The following MYH14 variants were observed in gnomAD, a reference collection of about 807,000 sequenced individuals.
The protein encoded by MYH14 is myosin heavy chain 14.
Under a neutral mutation model 255.5 loss-of-function variants are expected in MYH14, and 123 were observed. The observed-to-expected ratio is 0.48, with a 90% CI of 0.42 to 0.56. The LOEUF (loss-of-function observed/expected upper bound fraction) is 0.56, where lower values mean the gene tolerates loss of function less well. MYH14 is among the 20% of genes least tolerant of loss of function. MYH14 has a pLI of 0.00. For missense variants in MYH14, 2,423 were observed against 2,802.3 expected, an observed-to-expected ratio of 0.86 and a Z score of 3.06; for synonymous variants, 1,095 against 1,161.2, an observed-to-expected ratio of 0.94 and a Z score of 1.16.
At position 50,281,696 on chromosome 19, in the gene MYH14, C is replaced by T. The variant is rs727505272; in HGVS notation, c.4393C>T (p.Arg1465Cys). 189 of 1,611,912 alleles carry T rather than the reference C, an allele frequency of 1.2e-4. No homozygotes were observed. Among genetic ancestry groups the T allele is most frequent in the Non-Finnish European group, 1.6e-4 (185 of 1,179,536 alleles). Residue 1465 changes from arginine (R) to cysteine (C), a missense_variant, in exon 33 of 43, where the codon CGC becomes TGC. Coordinates refer to ENST00000642316, the MANE Select transcript of MYH14 (RefSeq NM_001145809.2). ...CCGGGAGGCCGAGGCCCTGACCCAG[C>T]GCCTGGCAGAAAAGACAGAGACCGT... Reference protein sequence around the residue: ...AAREAEALTQRLAEKTETVDR... With the variant: ...AAREAEALTQCLAEKTETVDR...
chr19:50,306,785 C>T (rs889928104), intron 40 of MYH14, among the ~76,000 whole-genome samples: 1 of 152,000 alleles, frequency 6.6e-6, no homozygotes, highest in Non-Finnish European at 1.5e-5. Context: ...CTGAATAGGA[C>T]CAAACATATA....
At position 50,252,044 on chromosome 19, in the gene MYH14, G is replaced by A. The variant is rs1666201254; in HGVS notation, c.1831-595G>A. ...GAGGGAACAGCATAGACAATGGCTG[G>A]GAGGCAGGAGATTCCATGTGTTCTG... On this transcript the variant is annotated intron_variant, in intron 15 of 42. Transcript: ENST00000642316. The surrounding 1 kb of genome is among the most constrained non-coding windows in gnomAD (Gnocchi z 4.2). Among the ~76,000 whole-genome samples, 1 of 152,184 alleles carries A rather than the reference G, an allele frequency of 6.6e-6. No homozygotes were observed. The highest frequency in any genetic ancestry group is 1.5e-5 in the Non-Finnish European group (1 of 68,030).
chr19:50,225,299 C>T lies in MYH14; in HGVS notation c.718-286C>T, dbSNP rs1551549. Reference sequence around the variant, plus strand: ...GTGGCGTTTCTTCCTTAATTCATTTCTTATTAATGGGATAACATTGTAGAC... The same window carrying T: ...GTGGCGTTTCTTCCTTAATTCATTTTTTATTAATGGGATAACATTGTAGAC... On this transcript the variant is annotated intron_variant, in intron 6 of 42. Transcript: ENST00000642316. 0.26 allele frequency among the ~76,000 whole-genome samples: 40,220 copies of T among 152,060 alleles called. 6,102 individuals carry two copies. The highest frequency in any genetic ancestry group is 0.33 in the East Asian group (1,700 of 5,158).
intron 32 of MYH14, 148 bp from the exon 33 acceptor site, chr19:50,281,446 C>T: frequency 2.5e-6 from 3 of 1,187,018 alleles, no homozygotes; most frequent in Non-Finnish European, 2.3e-6. Context: ...CACAACTTCA[C>T]ACCACTCAGA....
At chr19:50,300,281 G>T (rs1158827155) in intron 39 of MYH14, among the ~76,000 whole-genome samples, 6 of 152,172 alleles carry the variant, frequency 3.9e-5, no homozygotes, top group African/African-American at 1.2e-4. Context: ...ACAGGAAGCA[G>T]CAGGGTCATG....
chr19:50,271,423 C>T lies in MYH14; in HGVS notation c.3048C>T (p.His1016=), dbSNP rs1415273451. 1 of 1,604,228 alleles carries T rather than the reference C, an allele frequency of 6.2e-7. No individual in the cohort carries two copies. Among genetic ancestry groups the T allele is most frequent in the East Asian group, 2.2e-5 (1 of 44,552 alleles). The change falls in exon 25 of 43, where the codon CAC becomes CAT. Residue 1016 remains histidine, a synonymous_variant. Coordinates refer to ENST00000642316, the MANE Select transcript of MYH14 (RefSeq NM_001145809.2). Reference sequence around the variant, plus strand: ...TCCCACCCCAGGAGCTAGAGGCCCACCTTGAGGCTGAGGAGGGTGCGCGGC... The same window carrying T: ...TCCCACCCCAGGAGCTAGAGGCCCATCTTGAGGCTGAGGAGGGTGCGCGGC... ...LQQHIQELEA[H]LEAEEGARQK...
chr19:50,284,780 A>G (rs1444520823), intron 33 of MYH14: 3 of 152,014 alleles, frequency 2.0e-5, no homozygotes, highest in Non-Finnish European at 4.4e-5. Context: ...ATATGATGCT[A>G]TCATGGCTCC....
chr19:50,285,431 T>C (rs1444834940), intron 33 of MYH14: 2 of 152,236 alleles, frequency 1.3e-5, no homozygotes, highest in African/African-American at 4.8e-5. Context: ...TAGTTTTCAA[T>C]GTACATCTTT....
rs2035079777 is a variant in MYH14 at position 50,266,362 on chromosome 19, A to G, written c.2695-515A>G. Among the ~76,000 whole-genome samples, 1 of 152,150 alleles carries G rather than the reference A, an allele frequency of 6.6e-6. No individual in the cohort carries two copies. Among genetic ancestry groups the G allele is most frequent in the African/African-American group, 2.4e-5 (1 of 41,430 alleles). ...GATTACTTGAGGCCGGGAGTTGGAG[A>G]CCAGCCTGGCCAACATAGCGAAACC... On this transcript the variant is annotated intron_variant, in intron 22 of 42. Coordinates refer to ENST00000642316, the MANE Select transcript of MYH14 (RefSeq NM_001145809.2). The surrounding 1 kb of genome is among the most constrained non-coding windows in gnomAD (Gnocchi z 4.1).
chr19:50,245,825 A>C (rs1013907293), intron 11 of MYH14, among the ~76,000 whole-genome samples: 1 of 152,224 alleles, frequency 6.6e-6, no homozygotes, highest in Non-Finnish European at 1.5e-5. Flanking sequence ...TTGTTTTACA[A>C]AACTGGAGTC....
At chr19:50,239,253 AG>A (rs1370543107) in intron 10 of MYH14, among the ~76,000 whole-genome samples, 1 of 152,184 alleles carries the variant, frequency 6.6e-6, no homozygotes, top group Admixed American at 6.5e-5. Flanking sequence ...TCCTGACCTC[AG>A]GTGAACCGCC....
At chr19:50,211,190 G>C (rs1209077367) in intron 2 of MYH14, among the ~76,000 whole-genome samples, 1 of 152,104 alleles carries the variant, frequency 6.6e-6, no homozygotes, top group East Asian at 1.9e-4. Flanking sequence ...AATTAGCCAG[G>C]TGTGGTGGTG....
At chr19:50,263,774 G>A (rs919516155) in intron 22 of MYH14, among the ~76,000 whole-genome samples, 1 of 152,074 alleles carries the variant, frequency 6.6e-6, no homozygotes, top group African/African-American at 2.4e-5. Flanking sequence ...AACAGCAAAG[G>A]TGCTGGGTGC....
chr19:50,248,526 G>C lies in MYH14; in HGVS notation c.1330-461G>C, dbSNP rs368841183. Among the ~76,000 whole-genome samples the C allele has an allele frequency of 3.9e-5, 6 of 152,182 alleles. No individual in the cohort carries two copies. The East Asian group carries it at 5.8e-4, about 15-fold the overall frequency. On this transcript the variant is annotated intron_variant, in intron 12 of 42. Transcript: ENST00000642316. ...GTACCTGGATGAAGACCCCGTGGGG[G>C]AGATGAGGAGTCTGGGAGCCACACT... is the stretch of plus-strand genomic sequence containing the variant.
chr19:50,296,984 T>TGTTTGTTTGTTTGTTTG (rs35580414), intron 39 of MYH14, among the ~76,000 whole-genome samples: 25 of 151,746 alleles, frequency 1.6e-4, no homozygotes, highest in Admixed American at 5.2e-4. Flanking sequence ...CTCTGTTTTT[T>TGTTTGTTTGTTTGTTTG]TTTGTTTGTT....
chr19:50,290,866 C>G (rs1335011114), intron 35 of MYH14, 21 bp from the exon 36 acceptor site: 1 of 1,547,912 alleles, frequency 6.5e-7, no homozygotes, highest in Non-Finnish European at 8.7e-7. Context: ...CTGACCCGGT[C>G]CCTCCTGACC....
At chr19:50,243,440 A>G (rs1043339510) in intron 10 of MYH14, among the ~76,000 whole-genome samples, 1 of 152,088 alleles carries the variant, frequency 6.6e-6, no homozygotes, top group Admixed American at 6.5e-5. Context: ...CCGTCTCAAA[A>G]AAAAAAACAA....
chr19:50,252,777 C>CTAGAGCCGGGGTG lies in MYH14; in HGVS notation c.1945+24_1945+25insTAGAGCCGGGGTG. 6.7e-7 allele frequency: 1 copy of CTAGAGCCGGGGTG among 1,500,338 alleles called. No homozygotes were observed. Among genetic ancestry groups the CTAGAGCCGGGGTG allele is most frequent in the Non-Finnish European group, 9.1e-7 (1 of 1,097,978 alleles). 92.9% of individuals were successfully genotyped at this position (1,500,338 alleles called of 1,614,324 possible). A position where few individuals can be genotyped will look rare whatever the true frequency, so the allele number is the denominator to read the frequency against. On this transcript the variant is annotated intron_variant, in intron 16 of 42. Coordinates refer to ENST00000642316, the MANE Select transcript of MYH14 (RefSeq NM_001145809.2). This position sits in a 1 kb window ranked among gnomAD's most constrained non-coding sequence, Gnocchi z 4.2. ...CGGTGAGGACCCACTTCCCCCACCC[C>CTAGAGCCGGGGTG]GGCTCTAGGGGTCTGTGCGGCCATT...
intron 12 of MYH14, among the ~76,000 whole-genome samples, chr19:50,247,504 T>TA (rs1003139278): frequency 2.7e-5 from 4 of 150,602 alleles, no homozygotes; most frequent in African/African-American, 9.8e-5. Context: ...ACTCTGTCTC[T>TA]AAAAAAATTA....
Sources: allele counts gnomAD v4.1 joint callset (sites outside exome capture counted in the v4.1 genomes callset), GRCh38; gene constraint gnomAD v4.1.1; non-coding constraint Gnocchi (gnomAD v3.1); transcripts MANE v1.5; gene names NCBI Gene and HGNC (gene_info 2026-07-23, HGNC 2026-07-21).